C12orf54: variants seen among roughly 807,000 people sequenced by gnomAD.
C12orf54 encodes the protein uncharacterized protein C12orf54.
A neutral mutation model predicts 26.4 loss-of-function variants in C12orf54; 24 were observed. The ratio of observed to expected loss-of-function variants is 0.91; its 90% CI spans 0.66 to 1.28. The LOEUF (loss-of-function observed/expected upper bound fraction) is 1.28, where lower values mean the gene tolerates loss of function less well. Among genes scored for constraint, C12orf54 ranks in the 50% most tolerant of loss-of-function variants. The pLI is 0.00. For synonymous variants in C12orf54, 54 were observed against 47.0 expected (o/e 1.15, Z -0.61); for missense variants, 154 against 150.9 (o/e 1.02, Z -0.11).
chr12:48,483,596 G>T, intron 2 of C12orf54: 1 of 467,810 alleles, frequency 2.1e-6, no homozygotes, highest in Non-Finnish European at 3.8e-6. Flanking sequence ...TCCTCTAGGG[G>T]TTGGCGGGGT....
At chr12:48,473,545 G>A in the C12orf54 span, 1 of 353,336 alleles carries the variant, frequency 2.8e-6, no homozygotes, top group South Asian at 2.5e-5. Flanking sequence ...GAGCAAGAGA[G>A]GAAAAGTGTA....
the C12orf54 span, among the ~76,000 whole-genome samples, chr12:48,449,871 G>A: frequency 3.3e-5 from 5 of 152,042 alleles, no homozygotes; most frequent in South Asian, 4.2e-4. Flanking sequence ...GAATTCCCAC[G>A]TGTTGTGGGA....
chr12:48,471,703 T>A, the C12orf54 span, among the ~76,000 whole-genome samples: 2 of 152,200 alleles, frequency 1.3e-5, no homozygotes, highest in Non-Finnish European at 2.9e-5. Context: ...TTTGTCTATG[T>A]GTCTGTTTTT....
chr12:48,449,703 C>A, the C12orf54 span, among the ~76,000 whole-genome samples: 35 of 152,090 alleles, frequency 2.3e-4, no homozygotes, highest in African/African-American at 8.2e-4. Flanking sequence ...GTTGAGATAA[C>A]CTGATATTTT....
chr12:48,484,961 G>T (rs1453078371), intron 2 of C12orf54, among the ~76,000 whole-genome samples: 1 of 152,206 alleles, frequency 6.6e-6, no homozygotes, highest in African/African-American at 2.4e-5. Flanking sequence ...TAGCACTCCA[G>T]CTGGCAGAAT....
the C12orf54 span, among the ~76,000 whole-genome samples, chr12:48,456,837 C>T: frequency 6.6e-6 from 1 of 152,080 alleles, no homozygotes; most frequent in Non-Finnish European, 1.5e-5. Context: ...ACATTAAATG[C>T]ACACATCAAT....
chr12:48,479,504 A>T (rs1291836921), upstream of C12orf54, among the ~76,000 whole-genome samples: 1 of 151,968 alleles, frequency 6.6e-6, no homozygotes, highest in Non-Finnish European at 1.5e-5. Flanking sequence ...CTAAAACTTA[A>T]AGTATAATAA....
At chr12:48,482,785 T>G (rs1439289835) in intron 1 of C12orf54, among the ~76,000 whole-genome samples, 2 of 150,064 alleles carry the variant, frequency 1.3e-5, no homozygotes, top group African/African-American at 4.9e-5. Context: ...TAGTTAACCA[T>G]GAAAATTCTG....
intron 5 of C12orf54, 54 bp from the exon 6 acceptor site, chr12:48,490,758 G>T (rs1937772936): frequency 1.2e-6 from 2 of 1,601,684 alleles, no homozygotes; most frequent in Non-Finnish European, 1.7e-6. Context: ...TACAGTGCAG[G>T]TCTGCAGGAG....
At chr12:48,466,242 A>G in the C12orf54 span, among the ~76,000 whole-genome samples, 3 of 152,218 alleles carry the variant, frequency 2.0e-5, no homozygotes, top group Non-Finnish European at 2.9e-5. Context: ...CAGACATTTC[A>G]TCAAAGATAT....
chr12:48,430,705 G>A, the C12orf54 span, among the ~76,000 whole-genome samples: 1 of 152,170 alleles, frequency 6.6e-6, no homozygotes, highest in African/African-American at 2.4e-5. Flanking sequence ...TGGCGGGAAT[G>A]TAAACTAGTA....
chr12:48,436,776 A>G, the C12orf54 span, among the ~76,000 whole-genome samples: 1 of 152,250 alleles, frequency 6.6e-6, no homozygotes, highest in Non-Finnish European at 1.5e-5. Flanking sequence ...GGAAATTTAT[A>G]GCACTAAATG....
At chr12:48,478,116 C>G (rs1013387311), upstream of C12orf54, among the ~76,000 whole-genome samples, 5 of 152,116 alleles carry the variant, frequency 3.3e-5, no homozygotes, top group African/African-American at 1.2e-4. Context: ...TAAATGTAAT[C>G]CAGCATATGA....
At chr12:48,479,549 T>A (rs952141405), upstream of C12orf54, among the ~76,000 whole-genome samples, 2 of 151,504 alleles carry the variant, frequency 1.3e-5, no homozygotes, top group Admixed American at 1.3e-4. Flanking sequence ...AAAAGAACAT[T>A]TTTAGGGACC....
At chr12:48,423,484 A>T in the C12orf54 span, among the ~76,000 whole-genome samples, 1 of 152,074 alleles carries the variant, frequency 6.6e-6, no homozygotes, top group South Asian at 2.1e-4. Flanking sequence ...GGTTCGCAAA[A>T]AGTGAAAGTA....
intron 2 of C12orf54, 119 bp from the exon 3 acceptor site, chr12:48,486,059 T>C (rs75148436): frequency 0.017 from 16,987 of 1,019,212 alleles, 174 homozygotes; most frequent in Non-Finnish European, 0.022. Flanking sequence ...CTACCCTTCC[T>C]GGATTTTTAG....
chr12:48,476,001 G>C, the C12orf54 span, among the ~76,000 whole-genome samples: 3 of 151,582 alleles, frequency 2.0e-5, no homozygotes, highest in Non-Finnish European at 4.4e-5. Flanking sequence ...AGAGAGAAAG[G>C]TTGGGTTACC....
the C12orf54 span, among the ~76,000 whole-genome samples, chr12:48,455,801 G>T: frequency 6.6e-6 from 1 of 152,144 alleles, no homozygotes; most frequent in Non-Finnish European, 1.5e-5. Context: ...ACACATAAAT[G>T]ATCAAAATCT....
At chr12:48,425,828 A>G in the C12orf54 span, among the ~76,000 whole-genome samples, 1 of 152,020 alleles carries the variant, frequency 6.6e-6, no homozygotes. Flanking sequence ...TCTAATGATC[A>G]GTAATACTGA....
Sources: allele counts gnomAD v4.1 joint callset (sites outside exome capture counted in the v4.1 genomes callset), GRCh38; gene constraint gnomAD v4.1.1; transcripts MANE v1.5; gene names NCBI Gene and HGNC (gene_info 2026-07-23, HGNC 2026-07-21).